The following GRM7 variants were observed in gnomAD, a reference collection of about 807,000 sequenced individuals.
The protein encoded by GRM7 is glutamate metabotropic receptor 7.
In GRM7, 35 loss-of-function variants were observed where a neutral mutation model predicts 84.5. The observed-to-expected ratio is 0.41, with a 90% CI of 0.32 to 0.55. The LOEUF is 0.55. GRM7 is among the 20% of genes least tolerant of loss of function. The probability of loss-of-function intolerance (pLI) is 0.19; values close to 1 mark genes in which losing one functional copy is unlikely to be tolerated. For missense variants in GRM7, 1,003 were observed against 1,194.6 expected (o/e 0.84, Z 2.36); for synonymous variants, 487 against 455.1 (o/e 1.07, Z -0.89).
chr3:7,440,712 T>G (rs750504128), intron 5 of GRM7, among the ~76,000 whole-genome samples: 20 of 152,180 alleles, frequency 1.3e-4, no homozygotes, highest in Non-Finnish European at 2.5e-4. Context: ...GTGCTCAATG[T>G]GTAGCTCCCC....
At chr3:7,498,918 G>A (rs1435606864) in intron 7 of GRM7, among the ~76,000 whole-genome samples, 4 of 152,204 alleles carry the variant, frequency 2.6e-5, no homozygotes, top group Admixed American at 1.3e-4. Context: ...TCTGTGCAGA[G>A]TTGCTGCAAT....
chr3:7,038,826 T>G (rs1404590491), intron 1 of GRM7, among the ~76,000 whole-genome samples: 1 of 152,208 alleles, frequency 6.6e-6, no homozygotes, highest in Non-Finnish European at 1.5e-5. Context: ...TGTAAACAAC[T>G]CATAAGTTAG....
At chr3:7,027,011 A>G (rs1354570293) in intron 1 of GRM7, among the ~76,000 whole-genome samples, 2 of 152,206 alleles carry the variant, frequency 1.3e-5, no homozygotes, top group Non-Finnish European at 2.9e-5. Context: ...CTCTTGCCCT[A>G]AAATGCCCTC....
chr3:7,082,136 G>T (rs1251151512), intron 1 of GRM7, among the ~76,000 whole-genome samples: 1 of 152,126 alleles, frequency 6.6e-6, no homozygotes, highest in Non-Finnish European at 1.5e-5. Flanking sequence ...CCTGTTGGAA[G>T]AAGATTTCAT....
intron 6 of GRM7, among the ~76,000 whole-genome samples, chr3:7,454,175 A>G (rs551007165): frequency 6.6e-6 from 1 of 151,608 alleles, no homozygotes; most frequent in East Asian, 2.0e-4. Flanking sequence ...TAATATTTGT[A>G]ATTTGCCACA....
intron 1 of GRM7, among the ~76,000 whole-genome samples, chr3:6,961,351 A>G (rs1693289424): frequency 1.3e-5 from 2 of 152,092 alleles, no homozygotes; most frequent in Admixed American, 6.5e-5. Flanking sequence ...TGTCATAATC[A>G]TTCCCTTGCT....
chr3:6,947,977 C>A (rs981955290), intron 1 of GRM7, among the ~76,000 whole-genome samples: 9 of 152,022 alleles, frequency 5.9e-5, no homozygotes, highest in Non-Finnish European at 8.8e-5. Context: ...AGCAGTCTAT[C>A]AATTTTGTTG....
At chr3:7,566,277 C>T (rs1210565067) in intron 7 of GRM7, among the ~76,000 whole-genome samples, 1 of 152,020 alleles carries the variant, frequency 6.6e-6, no homozygotes, top group African/African-American at 2.4e-5. Flanking sequence ...ACTTTATTTT[C>T]AGAATAGGCA....
chr3:7,457,619 G>A (rs1443929786), intron 6 of GRM7, among the ~76,000 whole-genome samples: 1 of 152,156 alleles, frequency 6.6e-6, no homozygotes, highest in Non-Finnish European at 1.5e-5. Flanking sequence ...TATGATGTTA[G>A]CTTTCCTTCA....
intron 8 of GRM7, among the ~76,000 whole-genome samples, chr3:7,581,109 G>C (rs1022799137): frequency 7.9e-5 from 12 of 152,104 alleles, no homozygotes; most frequent in African/African-American, 2.4e-4. Context: ...TTATAGATGA[G>C]TCTGATTGCA....
At chr3:7,364,595 C>T (rs1384748786) in intron 4 of GRM7, among the ~76,000 whole-genome samples, 5 of 150,206 alleles carry the variant, frequency 3.3e-5, no homozygotes, top group Admixed American at 2.7e-4. Flanking sequence ...TGTTTTTATT[C>T]CTTTTCTTCT....
At chr3:6,998,935 A>G (rs1303112198) in intron 1 of GRM7, among the ~76,000 whole-genome samples, 1 of 152,228 alleles carries the variant, frequency 6.6e-6, no homozygotes, top group Non-Finnish European at 1.5e-5. Flanking sequence ...TGTCTCTGAC[A>G]TGCCCTAGAG....
chr3:6,867,950 C>T (rs1475557295), intron 1 of GRM7, among the ~76,000 whole-genome samples: 1 of 152,080 alleles, frequency 6.6e-6, no homozygotes, highest in East Asian at 1.9e-4. Flanking sequence ...TATTAGATTA[C>T]AAAATCAAAA....
At chr3:7,212,632 C>T (rs1197658885) in intron 2 of GRM7, among the ~76,000 whole-genome samples, 1 of 152,088 alleles carries the variant, frequency 6.6e-6, no homozygotes, top group Non-Finnish European at 1.5e-5. Context: ...ATGTAGCTTC[C>T]AGCTGAAAGA....
At chr3:7,376,020 T>C (rs17047237) in intron 4 of GRM7, among the ~76,000 whole-genome samples, 2,043 of 152,304 alleles carry the variant, frequency 0.013, 41 homozygotes, top group African/African-American at 0.047. Context: ...GAGAGCCTTA[T>C]TGAGTAGATG....
chr3:7,351,089 T>C lies in GRM7; in HGVS notation c.1033+44437T>C, dbSNP rs117242052. On this transcript the variant is annotated intron_variant, in intron 4 of 9. Transcript: ENST00000357716. ...AGTGCTTTGCCAGTAAAGGATCCAG[T>C]CAGGTCTCACTCTGAAGCCAATGAT... Among the ~76,000 whole-genome samples, 79 of 152,100 alleles carry C rather than the reference T, an allele frequency of 5.2e-4. 1 individual carries two copies. The East Asian group carries it at 0.014, about 27-fold the overall frequency.
intron 7 of GRM7, among the ~76,000 whole-genome samples, chr3:7,469,566 A>G (rs527487670): frequency 2.0e-5 from 3 of 152,276 alleles, no homozygotes; most frequent in East Asian, 1.9e-4. Context: ...AGCTAGTTGC[A>G]TCTGCCACCT....
rs527307035 is a variant in GRM7 at position 7,720,445 on chromosome 3, C to G, written c.2699-19912C>G. Among the ~76,000 whole-genome samples, 9 of 152,270 alleles carry G rather than the reference C, an allele frequency of 5.9e-5. No individual in the cohort carries two copies. In the East Asian group the frequency reaches 1.7e-3, roughly 29 times the overall value. On this transcript the variant is annotated intron_variant, in intron 9 of 9. Coordinates refer to ENST00000357716, the MANE Select transcript of GRM7 (RefSeq NM_000844.4). ...CTGCATTTATGTTTCAAAGCGTGTCCTGCACTGGTCCCCTCAGGAAGAAGG... is the reference window on the plus strand; with the variant it reads ...CTGCATTTATGTTTCAAAGCGTGTCGTGCACTGGTCCCCTCAGGAAGAAGG...
intron 9 of GRM7, 38 bp downstream of exon 9, chr3:7,680,333 C>T (rs750210075): frequency 6.2e-7 from 1 of 1,605,856 alleles, no homozygotes; most frequent in Non-Finnish European, 8.5e-7. Context: ...TCCCACCCTG[C>T]ATCAGGAAGC....
Sources: gnomAD v4.1 joint callset for allele counts (sites outside exome capture counted in the v4.1 genomes callset) on GRCh38, gnomAD v4.1.1 for gene constraint, MANE v1.5 for transcripts, NCBI Gene and HGNC (gene_info 2026-07-23, HGNC 2026-07-21) for gene names.